MAF: variants seen among roughly 807,000 people sequenced by gnomAD.
MAF encodes the protein transcription factor Maf.
MAF carries 10 observed loss-of-function variants against 22.0 expected under a neutral mutation model. The observed-to-expected ratio is 0.45, with a 90% CI of 0.28 to 0.77. The LOEUF is 0.77. MAF is among the 30% of genes least tolerant of loss of function. The pLI is 0.12. For synonymous variants in MAF, 337 were observed against 255.8 expected, an observed-to-expected ratio of 1.32 and a Z score of -3.03; for missense variants, 544 against 548.4, an observed-to-expected ratio of 0.99 and a Z score of 0.08.
the MAF span, among the ~76,000 whole-genome samples, chr16:79,430,763 G>A: frequency 6.6e-6 from 1 of 152,160 alleles, no homozygotes; most frequent in African/African-American, 2.4e-5. Flanking sequence ...TCTCCATCAG[G>A]GTGAGCACGG....
chr16:79,464,467 C>T, the MAF span, among the ~76,000 whole-genome samples: 1 of 152,160 alleles, frequency 6.6e-6, no homozygotes, highest in African/African-American at 2.4e-5. Flanking sequence ...TCTTTTTCAA[C>T]ACAAGTCAAC....
the MAF span, among the ~76,000 whole-genome samples, chr16:79,230,280 T>C: frequency 2.2e-4 from 34 of 152,216 alleles, 1 homozygote; most frequent in African/African-American, 8.2e-4. Context: ...TTCACCCGGC[T>C]AAGGCAGGCT....
the MAF span, among the ~76,000 whole-genome samples, chr16:79,486,698 G>C: frequency 9.8e-5 from 15 of 152,304 alleles, no homozygotes; most frequent in Non-Finnish European, 2.2e-4. Context: ...GAGACAGAGA[G>C]AGAGCATAAA....
chr16:79,408,562 G>A, the MAF span, among the ~76,000 whole-genome samples: 1 of 152,030 alleles, frequency 6.6e-6, no homozygotes, highest in East Asian at 1.9e-4. Context: ...TCTGTAAACT[G>A]GAACTAATAA....
chr16:79,300,924 G>A, the MAF span, among the ~76,000 whole-genome samples: 1 of 151,896 alleles, frequency 6.6e-6, no homozygotes, highest in African/African-American at 2.4e-5. Flanking sequence ...TTGTGTGTGG[G>A]TTTTCGATCA....
chr16:79,347,683 C>G, the MAF span, among the ~76,000 whole-genome samples: 1 of 152,092 alleles, frequency 6.6e-6, no homozygotes, highest in South Asian at 2.1e-4. Flanking sequence ...GGGGACAGTC[C>G]GGCCATTATC....
chr16:79,226,201 A>G, the MAF span, among the ~76,000 whole-genome samples: 1 of 152,202 alleles, frequency 6.6e-6, no homozygotes, highest in Non-Finnish European at 1.5e-5. Context: ...ATGCAGCCAT[A>G]AAAAAGGATG....
At chr16:79,483,479 C>T in the MAF span, among the ~76,000 whole-genome samples, 2 of 149,558 alleles carry the variant, frequency 1.3e-5, no homozygotes, top group Non-Finnish European at 3.0e-5. Flanking sequence ...GTGGACAGGC[C>T]CGGAGGGGAA....
the MAF span, among the ~76,000 whole-genome samples, chr16:79,233,700 A>G: frequency 5.9e-5 from 9 of 152,088 alleles, no homozygotes; most frequent in Non-Finnish European, 1.2e-4. Flanking sequence ...AGATTCAAGA[A>G]TAAGTATATA....
chr16:79,290,298 A>G, the MAF span, among the ~76,000 whole-genome samples: 2 of 152,220 alleles, frequency 1.3e-5, no homozygotes, highest in Non-Finnish European at 2.9e-5. Flanking sequence ...GATGAGAGAT[A>G]TAGCCAGGCT....
At chr16:79,532,216 G>A in the MAF span, among the ~76,000 whole-genome samples, 1 of 152,198 alleles carries the variant, frequency 6.6e-6, no homozygotes, top group African/African-American at 2.4e-5. Context: ...TGGATGGAGT[G>A]TGGAGTAGAG....
chr16:79,224,678 C>G, the MAF span, among the ~76,000 whole-genome samples: 1 of 152,174 alleles, frequency 6.6e-6, no homozygotes, highest in African/African-American at 2.4e-5. Flanking sequence ...GATACAAAAT[C>G]CATGTGCAAA....
the MAF span, among the ~76,000 whole-genome samples, chr16:79,489,869 G>A: frequency 3.9e-5 from 6 of 152,162 alleles, no homozygotes; most frequent in Non-Finnish European, 8.8e-5. Context: ...GGGCAGGTTG[G>A]AAAGAGACAA....
chr16:79,214,061 C>A, the MAF span, among the ~76,000 whole-genome samples: 2 of 152,196 alleles, frequency 1.3e-5, no homozygotes, highest in Non-Finnish European at 2.9e-5. Flanking sequence ...GAAATGCTTT[C>A]CTTCCAGAAA....
the MAF span, among the ~76,000 whole-genome samples, chr16:79,391,872 A>AGGAGG: frequency 1.5e-5 from 2 of 136,880 alleles, no homozygotes; most frequent in African/African-American, 5.7e-5. Context: ...GGAGGAGGAG[A>AGGAGG]AGGAGGAGGA....
Position 79,599,480 on chromosome 16 carries a change from C to A in MAF, c.423G>T (p.Ala141=), listed in dbSNP as rs1224181623. The part of the protein sequence containing the change: ...YARGAQQLAA[A]AGAGAGASLG... ...AGGAGGCGCCGGCACCGGCCCCGGC[C>A]GCCGCGGCCAGCTGCTGCGCCCCGC... The change falls in exon 1 of 2, where the codon GCG becomes GCT. Residue 141 remains alanine (A), a synonymous_variant. Coordinates refer to ENST00000326043, the MANE Select transcript of MAF (RefSeq NM_005360.5). 1 of 1,399,270 alleles carries A rather than the reference C, an allele frequency of 7.1e-7. No homozygotes were observed. The highest frequency in any genetic ancestry group is 9.2e-7 in the Non-Finnish European group (1 of 1,086,152). 86.7% of individuals were successfully genotyped at this position (1,399,270 alleles called of 1,614,324 possible). A position where few individuals can be genotyped will look rare whatever the true frequency, so the allele number is the denominator to read the frequency against.
At chr16:79,439,856 C>A in the MAF span, among the ~76,000 whole-genome samples, 1 of 152,162 alleles carries the variant, frequency 6.6e-6, no homozygotes, top group Non-Finnish European at 1.5e-5. Context: ...ACCAAAGAGA[C>A]CAATATATTA....
At chr16:79,243,833 C>T in the MAF span, among the ~76,000 whole-genome samples, 1 of 152,024 alleles carries the variant, frequency 6.6e-6, no homozygotes, top group African/African-American at 2.4e-5. Flanking sequence ...TACTGGCAAA[C>T]CGAATCCAGC....
At chr16:79,558,143 C>T in the MAF span, among the ~76,000 whole-genome samples, 1 of 150,878 alleles carries the variant, frequency 6.6e-6, no homozygotes, top group East Asian at 1.9e-4. Flanking sequence ...GAGAGTGGGT[C>T]TTGGGTTTTT....
Sources: gnomAD v4.1 joint callset for allele counts (sites outside exome capture counted in the v4.1 genomes callset) on GRCh38, gnomAD v4.1.1 for gene constraint, MANE v1.5 for transcripts, NCBI Gene and HGNC (gene_info 2026-07-23, HGNC 2026-07-21) for gene names.